UPP2: variants seen among roughly 807,000 people sequenced by gnomAD.
The protein encoded by UPP2 is uridine phosphorylase 2, also known as UPase 2.
Under a neutral mutation model 26.7 loss-of-function variants are expected in UPP2, and 23 were observed. That is an observed-to-expected ratio of 0.86 (90% CI 0.62 to 1.22). The LOEUF (loss-of-function observed/expected upper bound fraction) is 1.22. Ranked by LOEUF, UPP2 falls within the 50% of genes most tolerant of loss-of-function variation. The pLI is 0.00. For missense variants in UPP2, 387 were observed against 396.7 expected (o/e 0.98, Z 0.21); for synonymous variants, 127 against 141.3 (o/e 0.90, Z 0.72).
intron 3 of UPP2, among the ~76,000 whole-genome samples, chr2:158,020,248 C>G (rs570511175): frequency 2.2e-4 from 33 of 152,318 alleles, no homozygotes; most frequent in African/African-American, 7.5e-4. Context: ...TGTTCTCCTT[C>G]TGACTTCACT....
chr2:158,122,179 G>T (rs1469529518), intron 5 of UPP2, among the ~76,000 whole-genome samples: 1 of 151,892 alleles, frequency 6.6e-6, no homozygotes, highest in African/African-American at 2.4e-5. Flanking sequence ...AGGGCCAAGG[G>T]GAAGAAACCT....
chr2:158,064,427 C>T (rs1682402617), intron 3 of UPP2, among the ~76,000 whole-genome samples: 1 of 151,334 alleles, frequency 6.6e-6, no homozygotes, highest in Admixed American at 6.6e-5. Flanking sequence ...ATCCTTCACC[C>T]ACTTTTTGAT....
chr2:158,100,336 G>A (rs561511952), upstream of UPP2, among the ~76,000 whole-genome samples: 11 of 152,246 alleles, frequency 7.2e-5, no homozygotes, highest in African/African-American at 2.2e-4. Flanking sequence ...AATCTGCACC[G>A]GAAACAGACA....
intron 5 of UPP2, 21 bp downstream of exon 5, chr2:158,121,639 G>A: frequency 6.3e-7 from 1 of 1,592,482 alleles, no homozygotes; most frequent in Admixed American, 1.7e-5. Flanking sequence ...TTTATAAACT[G>A]TGAAGGAAAC....
chr2:158,087,544 T>G (rs1393096881), intron 3 of UPP2, among the ~76,000 whole-genome samples: 1 of 152,172 alleles, frequency 6.6e-6, no homozygotes, highest in East Asian at 1.9e-4. Context: ...GTTGCCTGAA[T>G]ACCTTTTTTT....
At chr2:158,061,639 C>A (rs535675345) in intron 3 of UPP2, among the ~76,000 whole-genome samples, 3 of 152,316 alleles carry the variant, frequency 2.0e-5, no homozygotes, top group Non-Finnish European at 4.4e-5. Context: ...CCTACATCTG[C>A]CAACAGACAG....
upstream of UPP2, among the ~76,000 whole-genome samples, chr2:158,099,481 T>C (rs145501787): frequency 2.3e-4 from 35 of 152,186 alleles, 1 homozygote; most frequent in East Asian, 6.8e-3. Context: ...CCTACTCCCA[T>C]AGGCTGTGAG....
chr2:158,071,152 G>A (rs1246153350), intron 3 of UPP2, among the ~76,000 whole-genome samples: 1 of 152,152 alleles, frequency 6.6e-6, no homozygotes, highest in Non-Finnish European at 1.5e-5. Context: ...GCTAGGATTA[G>A]AGCCAGTGGA....
At chr2:158,045,745 G>A (rs990928575) in intron 3 of UPP2, among the ~76,000 whole-genome samples, 5 of 152,146 alleles carry the variant, frequency 3.3e-5, no homozygotes, top group African/African-American at 9.7e-5. Context: ...ACAAATGGGA[G>A]GCACAACCCT....
At chr2:158,082,383 G>A (rs1337231308) in intron 3 of UPP2, among the ~76,000 whole-genome samples, 3 of 152,098 alleles carry the variant, frequency 2.0e-5, no homozygotes, top group Non-Finnish European at 2.9e-5. Context: ...AGTCCCTAAA[G>A]TCCATTGTAT....
At chr2:158,013,770 A>T (rs1373604399) in intron 2 of UPP2, among the ~76,000 whole-genome samples, 1 of 152,178 alleles carries the variant, frequency 6.6e-6, no homozygotes, top group Non-Finnish European at 1.5e-5. Context: ...CAGCAGTAAA[A>T]CCTAAAGGAA....
chr2:158,015,327 AT>A (rs1198000904), intron 2 of UPP2, among the ~76,000 whole-genome samples: 1 of 152,216 alleles, frequency 6.6e-6, no homozygotes, highest in Non-Finnish European at 1.5e-5. Flanking sequence ...AAGTGGAATC[AT>A]ACAGTATTGA....
At position 158,106,226 on chromosome 2, in the gene UPP2, T is replaced by C; in HGVS notation, c.180+10T>C. The stretch of plus-strand genomic sequence containing the variant: ...GTTTGGAGATGTAAAGGTAAAAACA[T>C]TTCTAATTTCAGGAAAAATGATTGA... On this transcript the variant is annotated intron_variant, in intron 2 of 6. Coordinates refer to ENST00000005756, the MANE Select transcript of UPP2 (RefSeq NM_173355.4). 2 of 1,595,018 alleles carry C rather than the reference T, an allele frequency of 1.3e-6. No individual in the cohort carries two copies. The highest frequency in any genetic ancestry group is 1.7e-6 in the Non-Finnish European group (2 of 1,173,144).
chr2:158,065,519 A>G (rs905620815), intron 3 of UPP2: 7 of 433,312 alleles, frequency 1.6e-5, no homozygotes, highest in African/African-American at 6.2e-5. Context: ...TCATAACCCT[A>G]TTGAGTGTCT....
At chr2:158,086,180 T>C (rs1409208258) in intron 3 of UPP2, among the ~76,000 whole-genome samples, 2 of 152,148 alleles carry the variant, frequency 1.3e-5, no homozygotes, top group Admixed American at 1.3e-4. Flanking sequence ...CTCTCACTGC[T>C]TATTATTGTT....
chr2:158,036,864 T>TGAAG (rs1684009281), intron 3 of UPP2, among the ~76,000 whole-genome samples: 1 of 152,192 alleles, frequency 6.6e-6, no homozygotes, highest in Admixed American at 6.5e-5. Flanking sequence ...TGCTTCACAC[T>TGAAG]GAAGGGTACC....
chr2:158,120,202 C>G (rs1220020233), intron 4 of UPP2, among the ~76,000 whole-genome samples: 1 of 151,886 alleles, frequency 6.6e-6, no homozygotes, highest in African/African-American at 2.4e-5. Context: ...GATTGTCAAG[C>G]TTTTTCTGTA....
intron 2 of UPP2, among the ~76,000 whole-genome samples, chr2:158,000,658 T>C (rs116671172): frequency 6.6e-6 from 1 of 152,230 alleles, no homozygotes; most frequent in African/African-American, 2.4e-5. Context: ...AAGTATCAAA[T>C]CTCGGAGAAA....
chr2:158,035,158 C>CTTT (rs397868383), intron 3 of UPP2, among the ~76,000 whole-genome samples: 1 of 143,294 alleles, frequency 7.0e-6, no homozygotes, highest in African/African-American at 2.6e-5. Flanking sequence ...GGATCAGAAT[C>CTTT]TTTTTTTTTT....
Sources: gnomAD v4.1 joint callset for allele counts (sites outside exome capture counted in the v4.1 genomes callset) on GRCh38, gnomAD v4.1.1 for gene constraint, MANE v1.5 for transcripts, NCBI Gene and HGNC (gene_info 2026-07-23, HGNC 2026-07-21) for gene names.